The following FAM219A variants were observed in gnomAD, a reference collection of about 807,000 sequenced individuals.
FAM219A encodes the protein protein FAM219A.
A neutral mutation model predicts 23.4 loss-of-function variants in FAM219A; 7 were observed. The ratio of observed to expected loss-of-function variants is 0.30; its 90% CI spans 0.17 to 0.56. FAM219A has a LOEUF of 0.56. FAM219A is among the 20% of genes least tolerant of loss of function. FAM219A has a pLI of 0.92. For synonymous variants in FAM219A, 93 were observed against 99.0 expected (o/e 0.94, Z 0.36); for missense variants, 166 against 246.9 (o/e 0.67, Z 2.20).
chr9:34,411,601 C>T (rs1413557732), intron 1 of FAM219A, among the ~76,000 whole-genome samples: 3 of 150,140 alleles, frequency 2.0e-5, no homozygotes, highest in East Asian at 2.0e-4. Context: ...GGCTAGAACC[C>T]GGGAGGCGGA....
chr9:34,455,700 T>C (rs575586277), intron 1 of FAM219A, among the ~76,000 whole-genome samples: 2 of 152,178 alleles, frequency 1.3e-5, no homozygotes, highest in African/African-American at 4.8e-5. Context: ...TAATTCTTTA[T>C]GCCCCAAAAT....
intron 1 of FAM219A, among the ~76,000 whole-genome samples, chr9:34,434,323 C>T (rs977331366): frequency 2.6e-5 from 4 of 150,976 alleles, no homozygotes; most frequent in African/African-American, 9.7e-5. Context: ...TGCTTCTTGA[C>T]ATAAGAGTTT....
intron 1 of FAM219A, among the ~76,000 whole-genome samples, chr9:34,406,800 A>G (rs564663189): frequency 1.6e-3 from 184 of 118,694 alleles, no homozygotes; most frequent in African/African-American, 5.6e-3. Flanking sequence ...TGTTGTCCAG[A>G]GTCTTTTTTT....
intron 5 of FAM219A, 24 bp downstream of exon 5, chr9:34,401,642 G>C (rs1219070998): frequency 1.2e-6 from 2 of 1,601,986 alleles, no homozygotes; most frequent in Non-Finnish European, 1.7e-6. Context: ...GTGGTGTCTA[G>C]GGTGAGAAGG....
At chr9:34,419,488 A>G (rs1822172870) in intron 1 of FAM219A, among the ~76,000 whole-genome samples, 1 of 152,146 alleles carries the variant, frequency 6.6e-6, no homozygotes, top group South Asian at 2.1e-4. Context: ...TCCTTCTAGA[A>G]TGTGGATTCC....
At chr9:34,449,853 T>C (rs1215053718) in intron 1 of FAM219A, among the ~76,000 whole-genome samples, 2 of 152,190 alleles carry the variant, frequency 1.3e-5, no homozygotes, top group South Asian at 2.1e-4. Flanking sequence ...ATAGAGCATA[T>C]AGTCTTTCCC....
At chr9:34,430,846 TAAC>T (rs56402341) in intron 1 of FAM219A, among the ~76,000 whole-genome samples, 4 of 150,256 alleles carry the variant, frequency 2.7e-5, no homozygotes, top group South Asian at 2.1e-4. Flanking sequence ...TGTCTCCAAA[TAAC>T]AACAACAACA....
intron 1 of FAM219A, among the ~76,000 whole-genome samples, chr9:34,422,161 G>C (rs1279143710): frequency 2.0e-5 from 3 of 152,162 alleles, no homozygotes; most frequent in African/African-American, 7.2e-5. Flanking sequence ...CAGGCAGGGA[G>C]TTGTTCGGAA....
Position 34,400,261 on chromosome 9 carries a change from G to C in FAM219A, c.*703C>G, listed in dbSNP as rs1005500549. ...AGATGCATTGGTGAGGGGCCAATTA[G>C]GACAGATCACACCACCCAAACCTCA... On this transcript the variant is annotated 3_prime_UTR_variant, in exon 6 of 6. Transcript: ENST00000651358. 13 of 152,186 alleles carry C rather than the reference G, an allele frequency of 8.5e-5. No individual in the cohort carries two copies. The highest frequency in any genetic ancestry group is 6.5e-4 in the Admixed American group (10 of 15,274). The allele number at this position is 152,186 out of a possible 1,614,324, so 9.4% of individuals were successfully genotyped here.
intron 1 of FAM219A, among the ~76,000 whole-genome samples, chr9:34,412,879 G>C (rs1367561388): frequency 1.3e-5 from 2 of 152,156 alleles, no homozygotes; most frequent in Non-Finnish European, 2.9e-5. Flanking sequence ...ATTTAGGAGA[G>C]AATAGGAGAT....
chr9:34,408,663 T>C (rs1474217491), intron 1 of FAM219A, among the ~76,000 whole-genome samples: 1 of 152,220 alleles, frequency 6.6e-6, no homozygotes, highest in Non-Finnish European at 1.5e-5. Flanking sequence ...TGTAGGGTCC[T>C]GCCCTTGGCC....
intron 1 of FAM219A, among the ~76,000 whole-genome samples, chr9:34,456,753 C>A (rs2132028601): frequency 6.6e-6 from 1 of 152,338 alleles, no homozygotes; most frequent in South Asian, 2.1e-4. Context: ...AGTCCTGCAA[C>A]ACCTCTCTCC....
intron 1 of FAM219A, among the ~76,000 whole-genome samples, chr9:34,428,487 A>G (rs1049742327): frequency 2.0e-5 from 3 of 152,340 alleles, no homozygotes; most frequent in Admixed American, 2.0e-4. Flanking sequence ...TCCCAGGTCA[A>G]TGCCAGATGG....
At chr9:34,427,349 C>T (rs72735206) in intron 1 of FAM219A, among the ~76,000 whole-genome samples, 5,694 of 151,970 alleles carry the variant, frequency 0.037, 171 homozygotes, top group Non-Finnish European at 0.046. Context: ...TTTTTGTATA[C>T]ATACATATTT....
At chr9:34,408,840 G>A (rs1821733030) in intron 1 of FAM219A, among the ~76,000 whole-genome samples, 1 of 152,200 alleles carries the variant, frequency 6.6e-6, no homozygotes, top group African/African-American at 2.4e-5. Flanking sequence ...CCCTGGGGCT[G>A]ATTTTTAAAA....
intron 1 of FAM219A, among the ~76,000 whole-genome samples, chr9:34,415,262 A>T (rs898432744): frequency 6.6e-6 from 1 of 152,222 alleles, no homozygotes. Context: ...GGGAAGGATT[A>T]TCACACTCGG....
In FAM219A at chr9:34,399,215, C is replaced by A. The variant is rs894452821; in HGVS notation, c.*1749G>T. Reference sequence around the variant, plus strand: ...ATGTGGGGTGTTAGCATGAGATGATCCACCTGGGCCTGTGCTATAAGGTAT... The same window carrying A: ...ATGTGGGGTGTTAGCATGAGATGATACACCTGGGCCTGTGCTATAAGGTAT... On this transcript the variant is annotated 3_prime_UTR_variant, in exon 6 of 6. Coordinates refer to ENST00000651358, the MANE Select transcript of FAM219A (RefSeq NM_001184940.2). 3 of 152,154 alleles carry A rather than the reference C, an allele frequency of 2.0e-5. No individual in the cohort carries two copies. Among genetic ancestry groups the A allele is most frequent in the African/African-American group, 7.3e-5 (3 of 41,372 alleles). The allele number at this position is 152,154 out of a possible 1,614,324, so 9.4% of individuals were successfully genotyped here.
At chr9:34,446,971 T>C (rs1455082561) in intron 1 of FAM219A, among the ~76,000 whole-genome samples, 3 of 152,232 alleles carry the variant, frequency 2.0e-5, no homozygotes, top group East Asian at 3.8e-4. Context: ...TGTTATATAG[T>C]GGACTTATAT....
chr9:34,398,448 C>A lies in FAM219A; in HGVS notation c.*2516G>T. On this transcript the variant is annotated 3_prime_UTR_variant, in exon 6 of 6. Transcript: ENST00000651358. ...TAAGGCCTAGATTCTTCCCTCCAAC[C>A]TCCCAGACAGGGAAGGAGGGAGCCA... 6.9e-7 allele frequency: 1 copy of A among 1,450,072 alleles called. No individual in the cohort carries two copies. Among genetic ancestry groups the A allele is most frequent in the Non-Finnish European group, 9.4e-7 (1 of 1,059,554 alleles). 89.8% of individuals were successfully genotyped at this position (1,450,072 alleles called of 1,614,324 possible). A position where few individuals can be genotyped will look rare whatever the true frequency, so the allele number is the denominator to read the frequency against.
Sources: allele counts gnomAD v4.1 joint callset (sites outside exome capture counted in the v4.1 genomes callset), GRCh38; gene constraint gnomAD v4.1.1; transcripts MANE v1.5; gene names NCBI Gene and HGNC (gene_info 2026-07-23, HGNC 2026-07-21).